Variants in ADAMTSL3 observed in about 807,000 individuals in gnomAD.
The protein encoded by ADAMTSL3 is ADAMTS like 3, also known as ADAMTS-like protein 3.
In ADAMTSL3, 128 loss-of-function variants were observed where a neutral mutation model predicts 201.7. The observed-to-expected ratio is 0.63, with a 90% CI of 0.55 to 0.73. ADAMTSL3 has a LOEUF of 0.73. Among genes scored for constraint, ADAMTSL3 ranks in the 30% least tolerant of loss-of-function variants. The pLI, the probability that ADAMTSL3 is intolerant of heterozygous loss-of-function variation, is 0.00. For missense variants in ADAMTSL3, 1,990 were observed against 2,119.6 expected, an observed-to-expected ratio of 0.94 and a Z score of 1.20; for synonymous variants, 738 against 748.4, an observed-to-expected ratio of 0.99 and a Z score of 0.23.
At chr15:83,996,460 T>TACAAATA (rs2067687364) in intron 23 of ADAMTSL3, among the ~76,000 whole-genome samples, 1 of 152,154 alleles carries the variant, frequency 6.6e-6, no homozygotes, top group Non-Finnish European at 1.5e-5. Flanking sequence ...ATAGCTTCTC[T>TACAAATA]GAATCAATAC....
chr15:83,722,773 AT>A (rs1234970115), intron 3 of ADAMTSL3, among the ~76,000 whole-genome samples: 1 of 152,142 alleles, frequency 6.6e-6, no homozygotes. Context: ...AAATGTAAAC[AT>A]TTAATATATT....
At chr15:83,791,041 A>G (rs1409581679) in intron 4 of ADAMTSL3, among the ~76,000 whole-genome samples, 1 of 152,208 alleles carries the variant, frequency 6.6e-6, no homozygotes, top group Non-Finnish European at 1.5e-5. Flanking sequence ...AGGAGGTGAA[A>G]GATCTCTACA....
chr15:83,888,479 C>G (rs1364947512), intron 10 of ADAMTSL3, among the ~76,000 whole-genome samples: 1 of 151,986 alleles, frequency 6.6e-6, no homozygotes, highest in East Asian at 1.9e-4. Context: ...ACACATAAAA[C>G]CCACAAGGAA....
intron 2 of ADAMTSL3, among the ~76,000 whole-genome samples, chr15:83,692,616 G>T (rs1254408759): frequency 6.8e-6 from 1 of 147,226 alleles, no homozygotes; most frequent in Admixed American, 6.8e-5. Flanking sequence ...AACCTGAGAG[G>T]CAGAGTTTGC....
intron 15 of ADAMTSL3, among the ~76,000 whole-genome samples, chr15:83,911,784 A>T (rs767181071): frequency 1.3e-5 from 2 of 152,236 alleles, no homozygotes; most frequent in Non-Finnish European, 2.9e-5. Context: ...TGAGAACCTT[A>T]CAACCCTGTC....
chr15:83,934,658 C>A (rs1351593638), intron 17 of ADAMTSL3, among the ~76,000 whole-genome samples: 1 of 152,088 alleles, frequency 6.6e-6, no homozygotes, highest in Non-Finnish European at 1.5e-5. Flanking sequence ...AAATTGTAAT[C>A]CCCATAATCC....
intron 9 of ADAMTSL3, among the ~76,000 whole-genome samples, chr15:83,874,990 C>A (rs1243073455): frequency 7.8e-6 from 1 of 128,984 alleles, no homozygotes; most frequent in Non-Finnish European, 1.7e-5. Context: ...CACCTCTCAT[C>A]GACAAGAATT....
chr15:83,982,788 C>T lies in ADAMTSL3; in HGVS notation c.3160C>T (p.Pro1054Ser), dbSNP rs753344920. ...GGATGATGACCACATTAGTAACCAG[C>T]CTTTCTTGAGAGCTCTGTTAGGCCA... ...YLDDDHISNQ[P>S]FLRALLGHCS... Residue 1054 changes from proline to serine, a missense_variant, in exon 21 of 30, where the codon CCT (proline) becomes TCT (serine). By Grantham distance (74) the Pro-to-Ser change is moderately conservative. Transcript: ENST00000286744. 6.2e-7 allele frequency: 1 copy of T among 1,614,072 alleles called. No individual in the cohort carries two copies. Among genetic ancestry groups the T allele is most frequent in the East Asian group, 2.2e-5 (1 of 44,882 alleles).
At chr15:83,832,507 T>C (rs778764833) in intron 6 of ADAMTSL3, among the ~76,000 whole-genome samples, 5 of 152,202 alleles carry the variant, frequency 3.3e-5, no homozygotes, top group Non-Finnish European at 5.9e-5. Context: ...TAAATAATTA[T>C]GTGTTCTTCC....
At chr15:83,726,684 A>T (rs979348963) in intron 3 of ADAMTSL3, among the ~76,000 whole-genome samples, 1 of 152,008 alleles carries the variant, frequency 6.6e-6, no homozygotes, top group Non-Finnish European at 1.5e-5. Flanking sequence ...TTCTGTTGAT[A>T]TGATGTGTCA....
At chr15:83,874,257 A>T (rs541321555) in intron 9 of ADAMTSL3, among the ~76,000 whole-genome samples, 1 of 145,000 alleles carries the variant, frequency 6.9e-6, no homozygotes, top group Non-Finnish European at 1.5e-5. Flanking sequence ...GCAGAAAAGG[A>T]GCTTTTGCTC....
At position 83,899,712 on chromosome 15, in the gene ADAMTSL3, A is replaced by G. The variant is rs1169204203; in HGVS notation, c.1681A>G (p.Ile561Val). 6.2e-7 allele frequency: 1 copy of G among 1,611,838 alleles called. No homozygotes were observed. The stretch of plus-strand genomic sequence containing the variant: ...AGCACAAGAACTAGAAGAGACCAGA[A>G]TAGCAACAGAAGAACCAACGTGAGT... ...KQAQELEETR[I>V]ATEEPTFIPE... The change falls in exon 15 of 30, where the codon ATA becomes GTA. Residue 561 changes from isoleucine to valine, a missense_variant. By Grantham distance (29) the Ile-to-Val change is conservative (BLOSUM62 3). Coordinates refer to ENST00000286744, the MANE Select transcript of ADAMTSL3 (RefSeq NM_207517.3).
chr15:83,828,237 T>G (rs955029830), intron 6 of ADAMTSL3, among the ~76,000 whole-genome samples: 4 of 152,234 alleles, frequency 2.6e-5, no homozygotes, highest in African/African-American at 9.6e-5. Flanking sequence ...GAAGAGGTCC[T>G]TCACATCCCT....
chr15:83,669,701 G>A (rs1433295454), intron 2 of ADAMTSL3, among the ~76,000 whole-genome samples: 1 of 149,258 alleles, frequency 6.7e-6, no homozygotes, highest in African/African-American at 2.5e-5. Flanking sequence ...ATCTCCTGAC[G>A]TCGTGATCTG....
At chr15:83,658,610 G>T (rs2061123662) in intron 2 of ADAMTSL3, among the ~76,000 whole-genome samples, 1 of 152,176 alleles carries the variant, frequency 6.6e-6, no homozygotes, top group African/African-American at 2.4e-5. Flanking sequence ...TGTCTCACAG[G>T]CCCTGGAAGC....
intron 23 of ADAMTSL3, among the ~76,000 whole-genome samples, chr15:83,993,702 A>G (rs775616517): frequency 2.0e-5 from 3 of 152,206 alleles, no homozygotes; most frequent in Non-Finnish European, 2.9e-5. Flanking sequence ...ATATTTGCCT[A>G]TTTCTAAAGG....
rs2067177223 is a variant in ADAMTSL3 at position 83,970,534 on chromosome 15, A to G, written c.2541A>G (p.Gln847=). The part of the protein sequence containing the change: ...VGIQRRKQVC[Q]RLAAKGRRIP... The stretch of plus-strand genomic sequence containing the variant: ...TCCAGAGAAGAAAGCAGGTGTGTCA[A>G]AGGCTGGCAGCCAAAGGTCGGCGCA... Residue 847 remains glutamine (Q), a synonymous_variant, in exon 20 of 30, where the codon CAA becomes CAG. Transcript: ENST00000286744. 1 of 1,614,110 alleles carries G rather than the reference A, an allele frequency of 6.2e-7. No individual in the cohort carries two copies. The highest frequency in any genetic ancestry group is 8.5e-7 in the Non-Finnish European group (1 of 1,180,046).
At chr15:83,826,901 A>T (rs2064036707) in intron 6 of ADAMTSL3, among the ~76,000 whole-genome samples, 1 of 152,026 alleles carries the variant, frequency 6.6e-6, no homozygotes, top group Non-Finnish European at 1.5e-5. Context: ...TTCTTAATCC[A>T]GTCTATCATT....
At chr15:83,812,772 A>G (rs948100510) in intron 5 of ADAMTSL3, among the ~76,000 whole-genome samples, 28 of 152,232 alleles carry the variant, frequency 1.8e-4, no homozygotes, top group African/African-American at 4.6e-4. Context: ...TGAAATAGTA[A>G]TAATAATAGT....
Sources: gnomAD v4.1 joint callset for allele counts (sites outside exome capture counted in the v4.1 genomes callset) on GRCh38, gnomAD v4.1.1 for gene constraint, MANE v1.5 for transcripts, NCBI Gene and HGNC (gene_info 2026-07-23, HGNC 2026-07-21) for gene names.